The following NLRC3 variants were observed in gnomAD, a reference collection of about 807,000 sequenced individuals.
The protein encoded by NLRC3 is NLR family CARD domain containing 3.
NLRC3 carries 87 observed loss-of-function variants against 91.6 expected under a neutral mutation model. The observed-to-expected ratio is 0.95, with a 90% CI of 0.80 to 1.14. NLRC3 has a LOEUF of 1.14. Among genes scored for constraint, NLRC3 ranks in the 50% most tolerant of loss-of-function variants. The probability of loss-of-function intolerance (pLI) is 0.00; values close to 1 mark genes in which losing one functional copy is unlikely to be tolerated. For missense variants in NLRC3, 1,577 were observed against 1,418.6 expected, an observed-to-expected ratio of 1.11 and a Z score of -1.79; for synonymous variants, 694 against 625.3, an observed-to-expected ratio of 1.11 and a Z score of -1.64.
chr16:3,542,096 C>T (rs939273095), intron 19 of NLRC3, 95 bp downstream of exon 19: 21 of 937,822 alleles, frequency 2.2e-5, no homozygotes, highest in African/African-American at 4.9e-5. Context: ...CCTGCTGAAG[C>T]GTCTGGGGGT....
chr16:3,551,798 TTTATC>T (rs2039023257), intron 10 of NLRC3, among the ~76,000 whole-genome samples: 1 of 149,258 alleles, frequency 6.7e-6, no homozygotes, highest in Non-Finnish European at 1.5e-5. Flanking sequence ...CACTCATTCA[TTTATC>T]CATTCATTCA....
At chr16:3,568,983 T>C (rs2039987819) in intron 1 of NLRC3, among the ~76,000 whole-genome samples, 1 of 152,214 alleles carries the variant, frequency 6.6e-6, no homozygotes, top group Non-Finnish European at 1.5e-5. Context: ...ACATTGGTTT[T>C]CATCATTTTC....
At position 3,563,698 on chromosome 16, in the gene NLRC3, G is replaced by C. The variant is rs780316468; in HGVS notation, c.1239C>G (p.Tyr413Ter). ...LAFHGLLKKK[Y>*]VFYEQDMKAF... ...CCTTCATGTCTTGCTCGTAAAACAC[G>C]TATTTCTTCTTGAGCAGCCCATGGA... Residue 413 changes from tyrosine (Y) to a stop codon, truncating the protein, a stop_gained, in exon 5 of 20, where the codon TAC becomes TAG. Transcript: ENST00000359128. LOFTEE classifies it high-confidence loss of function. The C allele has an allele frequency of 6.2e-7, 1 of 1,613,656 alleles. No homozygotes were observed. The highest frequency in any genetic ancestry group is 8.5e-7 in the Non-Finnish European group (1 of 1,179,836).
chr16:3,555,384 G>A (rs2039254933), intron 8 of NLRC3, among the ~76,000 whole-genome samples: 1 of 152,156 alleles, frequency 6.6e-6, no homozygotes. Context: ...TCCAGAATAG[G>A]TAAATCCTTA....
rs1348112468 is a variant in NLRC3, at chr16:3,542,776, CT to C, written c.2940-2del. Reference sequence around the variant, plus strand: ...CACCCCAATGGCATTTCCTCTTAAGCTGTTGGGAAAGACAGGAAGCCTAAGG... The same window carrying C: ...CACCCCAATGGCATTTCCTCTTAAGCGTTGGGAAAGACAGGAAGCCTAAGG... On this transcript the variant is annotated splice_acceptor_variant, in intron 17 of 19. Transcript: ENST00000359128. LOFTEE classifies it high-confidence loss of function. 6.2e-7 allele frequency: 1 copy of C among 1,601,616 alleles called. No homozygotes were observed. The highest frequency in any genetic ancestry group is 8.5e-7 in the Non-Finnish European group (1 of 1,173,278).
intron 6 of NLRC3, among the ~76,000 whole-genome samples, chr16:3,558,649 G>T (rs897827956): frequency 2.6e-5 from 4 of 152,160 alleles, no homozygotes; most frequent in East Asian, 1.9e-4. Flanking sequence ...GAATATGGTG[G>T]TGGATCAACT....
At chr16:3,571,040 G>A (rs2040080745) in intron 1 of NLRC3, among the ~76,000 whole-genome samples, 1 of 152,084 alleles carries the variant, frequency 6.6e-6, no homozygotes, top group Non-Finnish European at 1.5e-5. Context: ...AGATACATAA[G>A]TCAACAGAAT....
At chr16:3,569,310 T>C (rs1422144696) in intron 1 of NLRC3, among the ~76,000 whole-genome samples, 3 of 126,128 alleles carry the variant, frequency 2.4e-5, no homozygotes, top group Non-Finnish European at 4.8e-5. Context: ...AGAGACACCA[T>C]CTCAAAAAAA....
At chr16:3,559,700 G>A (rs1259247013) in intron 6 of NLRC3, among the ~76,000 whole-genome samples, 6 of 147,962 alleles carry the variant, frequency 4.1e-5, no homozygotes, top group East Asian at 3.9e-4. Flanking sequence ...GTGCAGTGGC[G>A]CAATCTTGGC....
chr16:3,574,199 G>A (rs1275647092), intron 1 of NLRC3, among the ~76,000 whole-genome samples: 2 of 151,622 alleles, frequency 1.3e-5, no homozygotes, highest in African/African-American at 4.8e-5. Context: ...TATTTTTGTA[G>A]AGACAGGGTT....
In NLRC3 at chr16:3,562,415, C is replaced by T. The variant is rs561465038; in HGVS notation, c.1928+594G>A. ...CAGCAATTTGGGAGGCTGGGGTGGG[C>T]GGGTCACCTGAGGTCAGGAGTTTGA... On this transcript the variant is annotated intron_variant, in intron 5 of 19. Transcript: ENST00000359128. Among the ~76,000 whole-genome samples the T allele has an allele frequency of 3.3e-5, 5 of 152,000 alleles. No homozygotes were observed. The East Asian group carries it at 7.7e-4, about 23-fold the overall frequency.
At chr16:3,546,944 AT>A (rs2038722664) in intron 15 of NLRC3, among the ~76,000 whole-genome samples, 1 of 152,144 alleles carries the variant, frequency 6.6e-6, no homozygotes, top group African/African-American at 2.4e-5. Context: ...CAGAGGGGAC[AT>A]CCTGGAAGCT....
chr16:3,564,923 T>C lies in NLRC3; in HGVS notation c.114A>G (p.Gln38=), dbSNP rs1233379645. 2.5e-6 allele frequency: 4 copies of C among 1,610,438 alleles called. No individual in the cohort carries two copies. The South Asian group carries it at 4.4e-5, about 18-fold the overall frequency. The change falls in exon 4 of 20, where the codon CAA becomes CAG. Residue 38 remains glutamine, a synonymous_variant. Coordinates refer to ENST00000359128, the MANE Select transcript of NLRC3 (RefSeq NM_178844.4). This position sits in a 1 kb window ranked among gnomAD's most constrained non-coding sequence, Gnocchi z 5.9. ...LMDLLAGKGS[Q]GSQAPQALDR... Reference sequence around the variant, plus strand: ...CCAGGGCCTGCGGGGCCTGGGAGCCTTGACTGCCCTTCCCAGCCAGCAGAT... The same window carrying C: ...CCAGGGCCTGCGGGGCCTGGGAGCCCTGACTGCCCTTCCCAGCCAGCAGAT...
At position 3,577,071 on chromosome 16, in the gene NLRC3, C is replaced by T. The variant is rs546800782; in HGVS notation, c.-169+78G>A. On this transcript the variant is annotated intron_variant, in intron 1 of 19. Transcript: ENST00000359128. Reference sequence around the variant, plus strand: ...TCCCCCTCCCCAGAGTAGCTCAGGCCTTAAGGCCACTGTCCTTCCTGCCAG... The same window carrying T: ...TCCCCCTCCCCAGAGTAGCTCAGGCTTTAAGGCCACTGTCCTTCCTGCCAG... 1.3e-4 allele frequency: 94 copies of T among 702,682 alleles called. No individual in the cohort carries two copies. In the East Asian group the frequency reaches 2.4e-3, roughly 18 times the overall value. 43.5% of individuals were successfully genotyped at this position (702,682 alleles called of 1,614,324 possible). A position where few individuals can be genotyped will look rare whatever the true frequency, so the allele number is the denominator to read the frequency against.
chr16:3,563,858 A>G lies in NLRC3; in HGVS notation c.1079T>C (p.Leu360Pro), dbSNP rs1323765332. Residue 360 changes from leucine (L) to proline (P), a missense_variant, in exon 5 of 20, where the codon CTG becomes CCG. Transcript: ENST00000359128. The part of the protein sequence containing the change: ...QDAELWPPRT[L>P]CELYSWYFRM... The stretch of plus-strand genomic sequence containing the variant: ...AAAGTACCATGAGTAGAGCTCGCAC[A>G]GGGTCCTCGGGGGCCACAGCTCTGC... 3.1e-6 allele frequency: 5 copies of G among 1,604,856 alleles called. No individual in the cohort carries two copies. The Admixed American group carries it at 6.7e-5, about 22-fold the overall frequency.
intron 9 of NLRC3, 28 bp downstream of exon 9, chr16:3,554,214 G>C (rs1596459667): frequency 2.0e-6 from 3 of 1,533,184 alleles, no homozygotes; most frequent in African/African-American, 1.4e-5. Context: ...AGGGAGAGAA[G>C]GGGGAGAGAG....
intron 6 of NLRC3, 105 bp downstream of exon 6, chr16:3,561,579 ACATGCTCCAAAGACACTT>A: frequency 3.1e-6 from 2 of 651,716 alleles, no homozygotes. Flanking sequence ...ATCTGGAGCC[ACATGCTCCAAAGACACTT>A]CTCCGTGGCA....
At chr16:3,544,220 G>A in intron 16 of NLRC3, 26 bp downstream of exon 16, 1 of 1,390,892 alleles carries the variant, frequency 7.2e-7, no homozygotes, top group Non-Finnish European at 1.0e-6. Context: ...CCGGTTTCCT[G>A]ACTGCTGCGC....
chr16:3,553,285 C>T (rs905015411), intron 9 of NLRC3, among the ~76,000 whole-genome samples: 2 of 152,160 alleles, frequency 1.3e-5, no homozygotes, highest in African/African-American at 4.8e-5. Flanking sequence ...ACTTTCACAG[C>T]CTGGGAATGT....
Sources: gnomAD v4.1 joint callset for allele counts (sites outside exome capture counted in the v4.1 genomes callset) on GRCh38, gnomAD v4.1.1 for gene constraint, Gnocchi (gnomAD v3.1) non-coding constraint, MANE v1.5 for transcripts, NCBI Gene and HGNC (gene_info 2026-07-23, HGNC 2026-07-21) for gene names.